Variants in FAM53B observed in about 807,000 individuals in gnomAD.
FAM53B encodes family with sequence similarity 53 member B.
Under a neutral mutation model 32.7 loss-of-function variants are expected in FAM53B, and 12 were observed. The ratio of observed to expected loss-of-function variants is 0.37; its 90% CI spans 0.24 to 0.59. The LOEUF (loss-of-function observed/expected upper bound fraction) is 0.59, where lower values mean the gene tolerates loss of function less well. Among genes scored for constraint, FAM53B ranks in the 20% least tolerant of loss-of-function variants. FAM53B has a pLI of 0.72. For synonymous variants in FAM53B, 234 were observed against 228.7 expected (o/e 1.02, Z -0.21); for missense variants, 477 against 577.7 (o/e 0.83, Z 1.79).
At chr10:124,719,996 CTACTAAAAA>C (rs1358584222) in intron 1 of FAM53B, among the ~76,000 whole-genome samples, 6 of 152,254 alleles carry the variant, frequency 3.9e-5, no homozygotes, top group African/African-American at 1.4e-4. Context: ...AACCCTGTCT[CTACTAAAAA>C]TACAAAAATT....
In FAM53B at chr10:124,733,196, G is replaced by A. The variant is rs1207399044; in HGVS notation, c.-175+10817C>T. On this transcript the variant is annotated intron_variant, in intron 1 of 4. Coordinates refer to ENST00000337318, the MANE Select transcript of FAM53B (RefSeq NM_014661.4). This position sits in a 1 kb window ranked among gnomAD's most constrained non-coding sequence, Gnocchi z 4.3. Reference sequence around the variant, plus strand: ...AGCCTTGGAAAACACACCCCCCAAAGCTAAGATGGGCTGCTAACTGCAGTT... The same window carrying A: ...AGCCTTGGAAAACACACCCCCCAAAACTAAGATGGGCTGCTAACTGCAGTT... Among the ~76,000 whole-genome samples, 2 of 152,144 alleles carry A rather than the reference G, an allele frequency of 1.3e-5. No individual in the cohort carries two copies. Among genetic ancestry groups the A allele is most frequent in the African/African-American group, 4.8e-5 (2 of 41,436 alleles).
chr10:124,727,976 GACC>G (rs1200235822), intron 1 of FAM53B, among the ~76,000 whole-genome samples: 2 of 152,132 alleles, frequency 1.3e-5, no homozygotes, highest in Non-Finnish European at 2.9e-5. Flanking sequence ...CATGTCTGAG[GACC>G]ACATCTGGCC....
chr10:124,730,627 G>C (rs945525247), intron 1 of FAM53B, among the ~76,000 whole-genome samples: 2 of 152,196 alleles, frequency 1.3e-5, no homozygotes, highest in Non-Finnish European at 2.9e-5. Context: ...CTACCTGATG[G>C]AACACTCTGC....
chr10:124,628,448 G>A (rs1202677737), intron 4 of FAM53B, among the ~76,000 whole-genome samples: 1 of 152,216 alleles, frequency 6.6e-6, no homozygotes, highest in Non-Finnish European at 1.5e-5. Context: ...GGGTTCCGGA[G>A]AGGAGAGTGG....
intron 2 of FAM53B, among the ~76,000 whole-genome samples, chr10:124,699,483 C>T (rs1185169494): frequency 1.3e-5 from 2 of 152,270 alleles, no homozygotes; most frequent in African/African-American, 4.8e-5. Flanking sequence ...AACACTCTAC[C>T]TAAGGGTTCC....
chr10:124,672,448 CGCT>C (rs1949712288), intron 4 of FAM53B, among the ~76,000 whole-genome samples: 1 of 152,250 alleles, frequency 6.6e-6, no homozygotes. Flanking sequence ...GCCTCCCTTT[CGCT>C]GCATCCTCTG....
chr10:124,699,779 T>G (rs1949902075), intron 2 of FAM53B, among the ~76,000 whole-genome samples: 1 of 152,192 alleles, frequency 6.6e-6, no homozygotes, highest in Non-Finnish European at 1.5e-5. Context: ...ACTGGTTCCA[T>G]GGCTGACTCC....
chr10:124,737,333 C>T (rs1950178742), intron 1 of FAM53B, among the ~76,000 whole-genome samples: 1 of 152,188 alleles, frequency 6.6e-6, no homozygotes, highest in Non-Finnish European at 1.5e-5. Flanking sequence ...GAGGCCAAAA[C>T]CTTTTTCAGC....
intron 4 of FAM53B, among the ~76,000 whole-genome samples, chr10:124,628,696 T>C (rs985394937): frequency 6.6e-6 from 1 of 152,172 alleles, no homozygotes; most frequent in Admixed American, 6.5e-5. Flanking sequence ...TGGCTGCCCC[T>C]TCCGGAACTA....
intron 4 of FAM53B, among the ~76,000 whole-genome samples, chr10:124,642,036 C>G (rs897303): frequency 6.6e-6 from 1 of 152,286 alleles, no homozygotes; most frequent in South Asian, 2.1e-4. Context: ...AAATGGCGTG[C>G]GTGCATACAC....
At chr10:124,657,096 A>ATGTGTGTG (rs1484799450) in intron 4 of FAM53B, among the ~76,000 whole-genome samples, 2 of 117,266 alleles carry the variant, frequency 1.7e-5, no homozygotes, top group South Asian at 2.8e-4. Flanking sequence ...GTGTATATAT[A>ATGTGTGTG]TGTGTATATA....
chr10:124,736,337 C>A (rs1950174108), intron 1 of FAM53B, among the ~76,000 whole-genome samples: 1 of 152,266 alleles, frequency 6.6e-6, no homozygotes. Context: ...GTTCCTACGG[C>A]CCGGTCCCCA....
At chr10:124,700,940 G>A (rs1271801260) in intron 2 of FAM53B, among the ~76,000 whole-genome samples, 1 of 152,206 alleles carries the variant, frequency 6.6e-6, no homozygotes, top group East Asian at 1.9e-4. Flanking sequence ...AAGCAAAAAG[G>A]AGATCCAGGC....
rs1950160222 is a variant in FAM53B at position 124,733,875 on chromosome 10, T to G, written c.-175+10138A>C. The stretch of plus-strand genomic sequence containing the variant: ...CCATCCTGACCTAGATCAGCTCCGC[T>G]CCCCTCTGAAATCTACACTCGTCTC... On this transcript the variant is annotated intron_variant, in intron 1 of 4. Coordinates refer to ENST00000337318, the MANE Select transcript of FAM53B (RefSeq NM_014661.4). The surrounding 1 kb of genome is among the most constrained non-coding windows in gnomAD (Gnocchi z 4.3). Among the ~76,000 whole-genome samples the G allele has an allele frequency of 6.7e-6, 1 of 149,608 alleles. No homozygotes were observed. Among genetic ancestry groups the G allele is most frequent in the East Asian group, 2.0e-4 (1 of 5,014 alleles).
chr10:124,635,162 G>A lies in FAM53B; in HGVS notation c.907-11558C>T, dbSNP rs543204932. On this transcript the variant is annotated intron_variant, in intron 4 of 4. Coordinates refer to ENST00000337318, the MANE Select transcript of FAM53B (RefSeq NM_014661.4). ...GGCTGGAGTGCAGTGGCATGATCTC[G>A]GCTCACTGCAACCTCTGCCTCCTGG... Among the ~76,000 whole-genome samples the A allele has an allele frequency of 5.3e-5, 8 of 152,084 alleles. No homozygotes were observed. The East Asian group carries it at 7.7e-4, about 15-fold the overall frequency.
chr10:124,644,996 G>A (rs1949502682), intron 4 of FAM53B, among the ~76,000 whole-genome samples: 1 of 152,222 alleles, frequency 6.6e-6, no homozygotes, highest in Admixed American at 6.5e-5. Context: ...CCACATGACT[G>A]TCACCTGCAG....
chr10:124,661,056 T>TTAAAA (rs1305186404), intron 4 of FAM53B, among the ~76,000 whole-genome samples: 1 of 130,538 alleles, frequency 7.7e-6, no homozygotes, highest in African/African-American at 3.0e-5. Flanking sequence ...CTACTGAAAT[T>TTAAAA]AAAAAAAAAA....
intron 1 of FAM53B, among the ~76,000 whole-genome samples, chr10:124,712,875 T>A (rs1950013877): frequency 2.0e-5 from 3 of 152,250 alleles, no homozygotes; most frequent in Admixed American, 1.3e-4. Flanking sequence ...TTGATCCATG[T>A]TTATGCTCCC....
chr10:124,642,152 G>C lies in FAM53B; in HGVS notation c.907-18548C>G, dbSNP rs1949479861. On this transcript the variant is annotated intron_variant, in intron 4 of 4. Coordinates refer to ENST00000337318, the MANE Select transcript of FAM53B (RefSeq NM_014661.4). ...ACAAGTGCAGTCAGTGGCTGTGCCG[G>C]GCAGGCTCAGACCACAGGGCGGCCA... Among the ~76,000 whole-genome samples, 4 of 152,346 alleles carry C rather than the reference G, an allele frequency of 2.6e-5. No homozygotes were observed. The South Asian group carries it at 8.3e-4, about 32-fold the overall frequency.
Sources: allele counts gnomAD v4.1 joint callset (sites outside exome capture counted in the v4.1 genomes callset), GRCh38; gene constraint gnomAD v4.1.1; non-coding constraint Gnocchi (gnomAD v3.1); transcripts MANE v1.5; gene names NCBI Gene and HGNC (gene_info 2026-07-23, HGNC 2026-07-21).